The following CEP112 variants were observed in gnomAD, a reference collection of about 807,000 sequenced individuals.
CEP112 encodes centrosomal protein of 112 kDa.
CEP112 carries 127 observed loss-of-function variants against 153.0 expected under a neutral mutation model. That is an observed-to-expected ratio of 0.83 (90% CI 0.72 to 0.96). The LOEUF (loss-of-function observed/expected upper bound fraction) is 0.96, where lower values mean the gene tolerates loss of function less well. CEP112 is among the 40% of genes least tolerant of loss of function. The pLI is 0.00. For missense variants in CEP112, 1,089 were observed against 1,101.2 expected, an observed-to-expected ratio of 0.99 and a Z score of 0.16; for synonymous variants, 358 against 374.4, an observed-to-expected ratio of 0.96 and a Z score of 0.51.
chr17:65,640,154 A>ATTTT lies in CEP112; in HGVS notation c.2799+806_2799+809dup, dbSNP rs529025836. On this transcript the variant is annotated intron_variant, in intron 25 of 26. Coordinates refer to ENST00000535342, the MANE Select transcript of CEP112 (RefSeq NM_001199165.4). ...CACCCGACCATATATATATATATAT[A>ATTTT]TTTTTTTTTTTTTTTTTTTGAGACA... is the stretch of plus-strand genomic sequence containing the variant. Among the ~76,000 whole-genome samples the ATTTT allele has an allele frequency of 2.7e-4, 21 of 78,326 alleles. No homozygotes were observed. The East Asian group carries it at 2.8e-3, about 10-fold the overall frequency. The allele number at this position is 78,326 out of a possible 152,430, so 51.4% of individuals were successfully genotyped here.
chr17:65,775,432 T>C (rs1001539038), intron 21 of CEP112, among the ~76,000 whole-genome samples: 5 of 152,186 alleles, frequency 3.3e-5, no homozygotes. Flanking sequence ...TTCCCCACTT[T>C]GCATTATATC....
chr17:66,141,565 T>C (rs529487109), intron 4 of CEP112, among the ~76,000 whole-genome samples: 1 of 152,208 alleles, frequency 6.6e-6, no homozygotes, highest in African/African-American at 2.4e-5. Context: ...CAACTCCCCA[T>C]TTTCCCCGTC....
At chr17:65,830,600 G>A (rs1157404484) in intron 21 of CEP112, among the ~76,000 whole-genome samples, 1 of 152,202 alleles carries the variant, frequency 6.6e-6, no homozygotes, top group African/African-American at 2.4e-5. Flanking sequence ...CAGTGAGGAA[G>A]CCATATTAAA....
chr17:66,177,101 G>A, intron 2 of CEP112, 81 bp from the exon 3 acceptor site: 1 of 1,133,616 alleles, frequency 8.8e-7, no homozygotes. Flanking sequence ...AATAGCACCT[G>A]CTTTAGTCTA....
intron 20 of CEP112, among the ~76,000 whole-genome samples, chr17:65,861,124 T>C (rs1202482762): frequency 6.6e-6 from 1 of 152,168 alleles, no homozygotes; most frequent in Non-Finnish European, 1.5e-5. Flanking sequence ...AGAGTGACCA[T>C]TAATGGGTCT....
chr17:66,045,230 C>T (rs563581694), intron 12 of CEP112, among the ~76,000 whole-genome samples: 34 of 152,094 alleles, frequency 2.2e-4, no homozygotes, highest in African/African-American at 6.7e-4. Context: ...CTACCACGCC[C>T]GGCTAATTTT....
At chr17:66,000,692 A>T (rs1477774500) in intron 17 of CEP112, among the ~76,000 whole-genome samples, 1 of 152,038 alleles carries the variant, frequency 6.6e-6, no homozygotes, top group African/African-American at 2.4e-5. Context: ...CATCTGGAGG[A>T]GCAGGAATAG....
chr17:66,048,197 G>A (rs1246473568), intron 12 of CEP112, among the ~76,000 whole-genome samples: 2 of 152,004 alleles, frequency 1.3e-5, no homozygotes, highest in African/African-American at 2.4e-5. Context: ...TTTGTAAAAG[G>A]AAAGGGCCCA....
intron 21 of CEP112, among the ~76,000 whole-genome samples, chr17:65,839,137 A>T (rs1376905257): frequency 1.3e-5 from 2 of 152,254 alleles, no homozygotes; most frequent in East Asian, 3.9e-4. Context: ...GAATACTTCC[A>T]AACTTACTCT....
intron 21 of CEP112, among the ~76,000 whole-genome samples, chr17:65,844,850 C>T (rs2057666561): frequency 6.6e-6 from 1 of 151,648 alleles, no homozygotes; most frequent in Admixed American, 6.6e-5. Context: ...CCCGTCTCTA[C>T]TAAAATACAA....
At chr17:65,834,724 T>C (rs1273441067) in intron 21 of CEP112, among the ~76,000 whole-genome samples, 1 of 151,902 alleles carries the variant, frequency 6.6e-6, no homozygotes, top group Non-Finnish European at 1.5e-5. Context: ...GTGGAGAAAA[T>C]GGAACACTTA....
chr17:66,050,963 AT>A (rs1701605302), intron 12 of CEP112, among the ~76,000 whole-genome samples: 1 of 151,778 alleles, frequency 6.6e-6, no homozygotes, highest in African/African-American at 2.4e-5. Context: ...GGCCCAAACA[AT>A]TTTCCACTCT....
intron 23 of CEP112, among the ~76,000 whole-genome samples, chr17:65,716,005 T>A (rs2049488991): frequency 6.6e-6 from 1 of 152,176 alleles, no homozygotes; most frequent in Non-Finnish European, 1.5e-5. Context: ...TATTGGTTGA[T>A]AGATGTAAAT....
At chr17:65,852,130 C>T (rs2057956204) in intron 20 of CEP112, 96 bp from the exon 21 acceptor site, 3 of 754,988 alleles carry the variant, frequency 4.0e-6, no homozygotes, top group Non-Finnish European at 6.4e-6. Flanking sequence ...GAAATATGAA[C>T]ATATGGAATA....
At chr17:65,974,506 G>T (rs1393815786) in intron 17 of CEP112, among the ~76,000 whole-genome samples, 2 of 152,108 alleles carry the variant, frequency 1.3e-5, no homozygotes, top group African/African-American at 4.8e-5. Flanking sequence ...CTCCTAAAAA[G>T]TTACCCTGAA....
chr17:65,976,735 C>CT (rs771108755), intron 17 of CEP112, among the ~76,000 whole-genome samples: 5,556 of 85,128 alleles, frequency 0.065, 333 homozygotes, highest in South Asian at 0.14. Context: ...ATAACTTTTT[C>CT]TTTTTTTTTT....
At position 65,950,416 on chromosome 17, in the gene CEP112, T is replaced by C. The variant is rs1599118876; in HGVS notation, c.1872+11047A>G. ...CTTTTTAACATTTCTCTTAGGAATA[T>C]TTTGTTTTTAATGCTTAAGTCTTCA... On this transcript the variant is annotated intron_variant, in intron 18 of 26. Transcript: ENST00000535342. Among the ~76,000 whole-genome samples the C allele has an allele frequency of 5.3e-5, 8 of 152,276 alleles. No homozygotes were observed. The South Asian group carries it at 1.7e-3, about 32-fold the overall frequency.
intron 24 of CEP112, among the ~76,000 whole-genome samples, chr17:65,658,014 C>T (rs2046144705): frequency 6.6e-6 from 1 of 152,060 alleles, no homozygotes; most frequent in Non-Finnish European, 1.5e-5. Context: ...CAAAGAAAAC[C>T]CCACATTATG....
rs2057968486 is a variant in CEP112 at position 65,852,286 on chromosome 17, C to G, written c.2164-252G>C. 1.5e-4 allele frequency among the ~76,000 whole-genome samples: 2 copies of G among 13,190 alleles called. 1 individual carries two copies. The highest frequency in any genetic ancestry group is 5.0e-4 in the African/African-American group (2 of 4,036). 8.7% of individuals were successfully genotyped at this position (13,190 alleles called of 152,430 possible). Reference sequence around the variant, plus strand: ...CTTCCCTCCCTCCCTCCTTCCCTTCCCCTCCTCCCTTCCCTTCCCTTCCCT... The same window carrying G: ...CTTCCCTCCCTCCCTCCTTCCCTTCGCCTCCTCCCTTCCCTTCCCTTCCCT... On this transcript the variant is annotated intron_variant, in intron 20 of 26. Coordinates refer to ENST00000535342, the MANE Select transcript of CEP112 (RefSeq NM_001199165.4).
Sources: gnomAD v4.1 joint callset for allele counts (sites outside exome capture counted in the v4.1 genomes callset) on GRCh38, gnomAD v4.1.1 for gene constraint, MANE v1.5 for transcripts, NCBI Gene and HGNC (gene_info 2026-07-23, HGNC 2026-07-21) for gene names.